The following ZFHX4 variants were observed in gnomAD, a reference collection of about 807,000 sequenced individuals.
ZFHX4 encodes the protein zinc finger homeobox 4, also known as zinc finger homeobox protein 4.
In ZFHX4, 56 loss-of-function variants were observed where a neutral mutation model predicts 267.6. The ratio of observed to expected loss-of-function variants is 0.21; its 90% CI spans 0.17 to 0.26. The LOEUF (loss-of-function observed/expected upper bound fraction) is 0.26, where lower values mean the gene tolerates loss of function less well. Ranked by LOEUF, ZFHX4 falls within the 10% of genes least tolerant of loss-of-function variation. The pLI, the probability that ZFHX4 is intolerant of heterozygous loss-of-function variation, is 1.00. For synonymous variants in ZFHX4, 1,778 were observed against 1,665.6 expected, an observed-to-expected ratio of 1.07 and a Z score of -1.64; for missense variants, 4,332 against 4,420.0, an observed-to-expected ratio of 0.98 and a Z score of 0.56.
At chr8:76,731,862 T>C (rs1256537533) in intron 3 of ZFHX4, among the ~76,000 whole-genome samples, 2 of 148,028 alleles carry the variant, frequency 1.4e-5, no homozygotes, top group African/African-American at 5.0e-5. Context: ...CACACATTAT[T>C]ATTATTATTA....
At chr8:76,759,653 C>T (rs1467204312) in intron 3 of ZFHX4, among the ~76,000 whole-genome samples, 1 of 152,182 alleles carries the variant, frequency 6.6e-6, no homozygotes, top group Non-Finnish European at 1.5e-5. Context: ...TTTGGAAATA[C>T]ATTTAAATGA....
At chr8:76,710,302 AT>A (rs1413868227) in intron 3 of ZFHX4, among the ~76,000 whole-genome samples, 1 of 152,184 alleles carries the variant, frequency 6.6e-6, no homozygotes, top group Non-Finnish European at 1.5e-5. Context: ...ACTGAAAAAA[AT>A]ATTCCAAGTA....
chr8:76,690,405 ACTT>A (rs1303731091), intron 1 of ZFHX4, among the ~76,000 whole-genome samples: 2 of 152,074 alleles, frequency 1.3e-5, no homozygotes, highest in Non-Finnish European at 2.9e-5. Context: ...ATGAAACATA[ACTT>A]CTTAAGAGGG....
chr8:76,694,387 G>A lies in ZFHX4; in HGVS notation c.-46-9656G>A, dbSNP rs191335799. Among the ~76,000 whole-genome samples the A allele has an allele frequency of 2.0e-3, 310 of 152,244 alleles. 1 individual carries two copies. Among genetic ancestry groups the A allele is most frequent in the African/African-American group, 7.1e-3 (297 of 41,542 alleles). ...AATGTAAAGAGATTTAGTAACATAGGAAATGAAGGGTTTGAGAATAAAATA... is the reference window on the plus strand; with the variant it reads ...AATGTAAAGAGATTTAGTAACATAGAAAATGAAGGGTTTGAGAATAAAATA... On this transcript the variant is annotated intron_variant, in intron 1 of 10. Coordinates refer to ENST00000651372, the MANE Select transcript of ZFHX4 (RefSeq NM_024721.5).
chr8:76,838,658 G>A (rs1812153562), intron 5 of ZFHX4, among the ~76,000 whole-genome samples: 1 of 152,172 alleles, frequency 6.6e-6, no homozygotes, highest in African/African-American at 2.4e-5. Context: ...CTAAGTTACT[G>A]TGTTTCCTCT....
chr8:76,778,492 C>T (rs1248864910), intron 4 of ZFHX4, 53 bp downstream of exon 4: 2 of 938,864 alleles, frequency 2.1e-6, no homozygotes, highest in Non-Finnish European at 3.2e-6. Flanking sequence ...ACCACTTCAT[C>T]ACACACACAC....
At chr8:76,744,613 G>A (rs930397297) in intron 3 of ZFHX4, among the ~76,000 whole-genome samples, 9 of 151,778 alleles carry the variant, frequency 5.9e-5, no homozygotes, top group South Asian at 2.1e-4. Context: ...GGGTTTCACC[G>A]TGTTGGCCAG....
chr8:76,717,599 T>C (rs1808610902), intron 3 of ZFHX4, among the ~76,000 whole-genome samples: 1 of 152,242 alleles, frequency 6.6e-6, no homozygotes, highest in Non-Finnish European at 1.5e-5. Context: ...TTTTTATTCT[T>C]TCTTTTTCTT....
intron 1 of ZFHX4, among the ~76,000 whole-genome samples, chr8:76,698,213 A>G (rs577800557): frequency 2.1e-4 from 32 of 152,288 alleles, no homozygotes; most frequent in African/African-American, 7.5e-4. Flanking sequence ...ATTGGTTGCA[A>G]GTACCAAAGT....
chr8:76,777,292 A>G (rs1292606597), intron 3 of ZFHX4, among the ~76,000 whole-genome samples: 1 of 152,182 alleles, frequency 6.6e-6, no homozygotes, highest in Non-Finnish European at 1.5e-5. Flanking sequence ...TTTTCCATTG[A>G]AAAAATCAGA....
chr8:76,738,665 CCCTCCCTCCCTT>C (rs1239084050), intron 3 of ZFHX4, among the ~76,000 whole-genome samples: 1 of 121,766 alleles, frequency 8.2e-6, no homozygotes, highest in Non-Finnish European at 1.8e-5. Context: ...CTTCCTCCCT[CCCTCCCTCCCTT>C]CCTCCCTCCC....
intron 4 of ZFHX4, among the ~76,000 whole-genome samples, chr8:76,820,783 A>G (rs906542785): frequency 9.2e-5 from 14 of 152,200 alleles, no homozygotes; most frequent in African/African-American, 3.4e-4. Context: ...CCTCCATGAT[A>G]CCTACAATGA....
Position 76,852,325 on chromosome 8 carries a change from C to A in ZFHX4, c.5404C>A (p.Gln1802Lys). Residue 1802 changes from glutamine to lysine, a missense_variant, in exon 10 of 11, where the codon CAA becomes AAA. Gln to Lys is a moderately conservative substitution (Grantham distance 53, BLOSUM62 1). Transcript: ENST00000651372. ...CCAGATACTACAGCAACAAGCACAA[C>A]AATACCAAGCCACACAGCCCCAGCT... is the stretch of plus-strand genomic sequence containing the variant. ...QLQILQQQAQ[Q>K]YQATQPQLQP... The A allele has an allele frequency of 1.9e-6, 3 of 1,554,316 alleles. No homozygotes were observed. The highest frequency in any genetic ancestry group is 2.6e-6 in the Non-Finnish European group (3 of 1,148,326).
rs745360941 is a variant in ZFHX4, at chr8:76,705,670, A to G, written c.1582A>G (p.Thr528Ala). The part of the protein sequence containing the change: ...IEKGTSSSSA[T>A]VSDDTEKKKQ... ...AAAGGGTACCTCGTCCTCCTCGGCG[A>G]CTGTTTCTGATGACACAGAAAAGAA... The change falls in exon 2 of 11, where the codon ACT (threonine) becomes GCT (alanine). Residue 528 changes from threonine to alanine, a missense_variant. By Grantham distance (58) the Thr-to-Ala change is moderately conservative. Transcript: ENST00000651372. The G allele has an allele frequency of 6.2e-7, 1 of 1,613,998 alleles. No individual in the cohort carries two copies. Among genetic ancestry groups the G allele is most frequent in the South Asian group, 1.1e-5 (1 of 91,082 alleles).
intron 4 of ZFHX4, among the ~76,000 whole-genome samples, chr8:76,816,358 C>T (rs1811506142): frequency 6.6e-6 from 1 of 152,186 alleles, no homozygotes; most frequent in Admixed American, 6.5e-5. Context: ...ATTCTCCCCT[C>T]TCCCACCAAG....
chr8:76,853,011 G>A lies in ZFHX4; in HGVS notation c.6090G>A (p.Thr2030=), dbSNP rs1032719011. ...TGGGTCCTGTAAAGATCCCCAACAC[G>A]GTTTCTACTCCTCTGCAAGCTCCAC... ...SSMGPVKIPN[T]VSTPLQAPPP... is the part of the protein sequence containing the mutation. The change falls in exon 10 of 11, where the codon ACG becomes ACA. Residue 2030 remains threonine, a synonymous_variant. Transcript: ENST00000651372. The A allele has an allele frequency of 2.0e-6, 3 of 1,522,982 alleles. No homozygotes were observed. Among genetic ancestry groups the A allele is most frequent in the Non-Finnish European group, 2.7e-6 (3 of 1,125,436 alleles). 94.3% of individuals were successfully genotyped at this position (1,522,982 alleles called of 1,614,324 possible).
intron 4 of ZFHX4, among the ~76,000 whole-genome samples, chr8:76,796,672 A>G (rs1045770193): frequency 1.3e-5 from 2 of 152,178 alleles, no homozygotes; most frequent in Non-Finnish European, 2.9e-5. Context: ...GTCTAACCAC[A>G]CCACCCTGGA....
At chr8:76,816,590 CTTTT>C (rs950143569) in intron 4 of ZFHX4, among the ~76,000 whole-genome samples, 1 of 113,018 alleles carries the variant, frequency 8.8e-6, no homozygotes, top group East Asian at 2.4e-4. Context: ...ATTTAAATGT[CTTTT>C]TTTTTTTTTT....
At chr8:76,740,783 G>C (rs1259877491) in intron 3 of ZFHX4, among the ~76,000 whole-genome samples, 3 of 152,140 alleles carry the variant, frequency 2.0e-5, no homozygotes, top group Non-Finnish European at 4.4e-5. Flanking sequence ...AATTATTTGA[G>C]GGAGGCAGTT....
Sources: allele counts gnomAD v4.1 joint callset (sites outside exome capture counted in the v4.1 genomes callset), GRCh38; gene constraint gnomAD v4.1.1; transcripts MANE v1.5; gene names NCBI Gene and HGNC (gene_info 2026-07-23, HGNC 2026-07-21).